EXOC6B: variants seen among roughly 807,000 people sequenced by gnomAD.
EXOC6B encodes SEC15 homolog B.
In EXOC6B, 54 loss-of-function variants were observed where a neutral mutation model predicts 113.5. That is an observed-to-expected ratio of 0.48 (90% CI 0.38 to 0.60). The LOEUF is 0.60. Among genes scored for constraint, EXOC6B ranks in the 20% least tolerant of loss-of-function variants. The pLI is 0.00. For synonymous variants in EXOC6B, 357 were observed against 339.0 expected, an observed-to-expected ratio of 1.05 and a Z score of -0.58; for missense variants, 797 against 977.5, an observed-to-expected ratio of 0.82 and a Z score of 2.46.
At chr2:72,711,496 T>C (rs1055261620) in intron 6 of EXOC6B, among the ~76,000 whole-genome samples, 3 of 152,134 alleles carry the variant, frequency 2.0e-5, no homozygotes, top group Non-Finnish European at 4.4e-5. Flanking sequence ...GCCAACCTCT[T>C]ATCCACAGAA....
chr2:72,618,694 GA>G (rs1671553025), intron 6 of EXOC6B, among the ~76,000 whole-genome samples: 2 of 152,178 alleles, frequency 1.3e-5, no homozygotes, highest in South Asian at 4.2e-4. Flanking sequence ...AACATGAATG[GA>G]AAAAAAGATG....
At chr2:72,497,136 G>A (rs1700079705) in intron 13 of EXOC6B, among the ~76,000 whole-genome samples, 1 of 151,514 alleles carries the variant, frequency 6.6e-6, no homozygotes, top group Admixed American at 6.6e-5. Context: ...ACCACATCGG[G>A]CTAATTTTTA....
intron 16 of EXOC6B, among the ~76,000 whole-genome samples, chr2:72,488,474 T>C (rs1402577498): frequency 6.6e-6 from 1 of 152,118 alleles, no homozygotes; most frequent in East Asian, 1.9e-4. Context: ...TTACTCAACA[T>C]CTCAACCTAT....
chr2:72,488,951 A>C (rs2105526627), intron 16 of EXOC6B, among the ~76,000 whole-genome samples: 1 of 152,016 alleles, frequency 6.6e-6, no homozygotes, highest in South Asian at 2.1e-4. Flanking sequence ...CTCTAAACTA[A>C]CCAGTTGCTT....
At chr2:72,390,177 A>T (rs1032873544) in intron 18 of EXOC6B, among the ~76,000 whole-genome samples, 1 of 152,062 alleles carries the variant, frequency 6.6e-6, no homozygotes, top group Admixed American at 6.6e-5. Flanking sequence ...CTCCAATCTT[A>T]TTTTCTATAG....
In EXOC6B at chr2:72,653,606, C is replaced by CCA. The variant is rs981503204; in HGVS notation, c.669+64495_669+64496dup. Among the ~76,000 whole-genome samples, 5 of 145,506 alleles carry CCA rather than the reference C, an allele frequency of 3.4e-5. 1 individual carries two copies. The highest frequency in any genetic ancestry group is 3.0e-5 in the Non-Finnish European group (2 of 66,880). Reference sequence around the variant, plus strand: ...AAAAAATATTGCCAGCAACCCCCCCCCAAAAAGAAAGAAAGAAAGAAAATA... The same window carrying CCA: ...AAAAAATATTGCCAGCAACCCCCCCCCACAAAAAGAAAGAAAGAAAGAAAATA... On this transcript the variant is annotated intron_variant, in intron 6 of 21. Coordinates refer to ENST00000272427, the MANE Select transcript of EXOC6B (RefSeq NM_015189.3).
intron 19 of EXOC6B, among the ~76,000 whole-genome samples, chr2:72,344,383 G>C (rs561517431): frequency 6.6e-6 from 1 of 151,286 alleles, no homozygotes; most frequent in South Asian, 2.1e-4. Context: ...CTTTATGAGA[G>C]TTGTTTTAAA....
intron 20 of EXOC6B, among the ~76,000 whole-genome samples, chr2:72,185,582 G>A (rs1056302424): frequency 6.6e-6 from 1 of 152,160 alleles, no homozygotes; most frequent in African/African-American, 2.4e-5. Context: ...GGCCAGGATG[G>A]TCCCAAACGG....
At chr2:72,373,557 T>A (rs1435108543) in intron 19 of EXOC6B, among the ~76,000 whole-genome samples, 1 of 152,052 alleles carries the variant, frequency 6.6e-6, no homozygotes, top group Admixed American at 6.6e-5. Context: ...GGAGACAAAA[T>A]ACTTTATAGG....
intron 5 of EXOC6B, among the ~76,000 whole-genome samples, chr2:72,728,078 T>C (rs1680410724): frequency 6.6e-6 from 1 of 152,086 alleles, no homozygotes; most frequent in African/African-American, 2.4e-5. Flanking sequence ...TTTGACAATA[T>C]AGATGTTACC....
At chr2:72,528,821 G>T (rs1701856332) in intron 8 of EXOC6B, among the ~76,000 whole-genome samples, 1 of 151,674 alleles carries the variant, frequency 6.6e-6, no homozygotes. Flanking sequence ...TTTAAATTTT[G>T]GTATCTACAT....
At chr2:72,722,004 G>GAA (rs72176683) in intron 5 of EXOC6B, 1 of 134,872 alleles carries the variant, frequency 7.4e-6, no homozygotes, top group African/African-American at 2.8e-5. Context: ...TGCTCTAATT[G>GAA]AAAAAAAAAA....
At chr2:72,459,739 A>C (rs541852445) in intron 18 of EXOC6B, among the ~76,000 whole-genome samples, 2 of 152,302 alleles carry the variant, frequency 1.3e-5, no homozygotes, top group African/African-American at 4.8e-5. Flanking sequence ...TTCCATGCTC[A>C]TGGGTGGGAA....
At chr2:72,684,938 A>G (rs187095496) in intron 6 of EXOC6B, among the ~76,000 whole-genome samples, 1 of 152,226 alleles carries the variant, frequency 6.6e-6, no homozygotes, top group Admixed American at 6.5e-5. Flanking sequence ...CATTTGTCAA[A>G]AACTCGCTTC....
chr2:72,437,263 G>C (rs1336489869), intron 18 of EXOC6B, among the ~76,000 whole-genome samples: 1 of 152,198 alleles, frequency 6.6e-6, no homozygotes, highest in East Asian at 1.9e-4. Context: ...TGCTCCTTCT[G>C]TTGGAAGCTT....
chr2:72,383,089 A>G, intron 18 of EXOC6B, among the ~76,000 whole-genome samples: 1 of 152,194 alleles, frequency 6.6e-6, no homozygotes, highest in Non-Finnish European at 1.5e-5. Flanking sequence ...ACTGTCAAAG[A>G]TTTCATGACA....
At chr2:72,804,507 T>C (rs1389655610) in intron 1 of EXOC6B, among the ~76,000 whole-genome samples, 1 of 152,134 alleles carries the variant, frequency 6.6e-6, no homozygotes, top group Non-Finnish European at 1.5e-5. Flanking sequence ...AGAAATAATT[T>C]TGCAAAAAAT....
chr2:72,477,873 A>T (rs1166477963), intron 17 of EXOC6B, among the ~76,000 whole-genome samples: 4 of 151,042 alleles, frequency 2.6e-5, no homozygotes, highest in Admixed American at 6.6e-5. Flanking sequence ...TTGGTCATTT[A>T]TTTTTTTTTC....
At chr2:72,351,463 C>T (rs193195688) in intron 19 of EXOC6B, among the ~76,000 whole-genome samples, 1 of 152,292 alleles carries the variant, frequency 6.6e-6, no homozygotes, top group African/African-American at 2.4e-5. Context: ...ACGTCTTTAT[C>T]TTCCATTCAT....
Sources: allele counts gnomAD v4.1 joint callset (sites outside exome capture counted in the v4.1 genomes callset), GRCh38; gene constraint gnomAD v4.1.1; transcripts MANE v1.5; gene names NCBI Gene and HGNC (gene_info 2026-07-23, HGNC 2026-07-21).